The following RANBP6 variants were observed in gnomAD, a reference collection of about 807,000 sequenced individuals.
The protein encoded by RANBP6 is RAN binding protein 6.
A neutral mutation model predicts 35.3 loss-of-function variants in RANBP6; 10 were observed. That is an observed-to-expected ratio of 0.28 (90% CI 0.17 to 0.48). RANBP6 has a LOEUF of 0.48. RANBP6 is among the 20% of genes least tolerant of loss of function. The pLI, the probability that RANBP6 is intolerant of heterozygous loss-of-function variation, is 0.99. For missense variants in RANBP6, 1,392 were observed against 1,307.7 expected (o/e 1.06, Z -0.99); for synonymous variants, 514 against 464.2 (o/e 1.11, Z -1.38).
In RANBP6 at chr9:6,013,837, G is replaced by C; in HGVS notation, c.1771C>G (p.Leu591Val). 1 of 1,614,002 alleles carries C rather than the reference G, an allele frequency of 6.2e-7. No individual in the cohort carries two copies. The highest frequency in any genetic ancestry group is 8.5e-7 in the Non-Finnish European group (1 of 1,180,000). Residue 591 changes from leucine to valine, a missense_variant, in exon 1 of 1, where the codon CTG becomes GTG. Leu to Val is a conservative substitution (Grantham distance 32). Transcript: ENST00000259569. ...AAGTCTGATTGTGTCTTCAACAACA[G>C]CTGCATCACATTTGATGCATCTTGC... ...FMQDASNVMQ[L>V]LLKTQSDLNN...
In RANBP6 at chr9:6,013,617, C is replaced by T. The variant is rs200173457; in HGVS notation, c.1991G>A (p.Gly664Asp). The T allele has an allele frequency of 4.0e-4, 646 of 1,614,098 alleles. No individual in the cohort carries two copies. Among genetic ancestry groups the T allele is most frequent in the Non-Finnish European group, 5.3e-4 (620 of 1,180,048 alleles). ...QDVENMSDDD[G>D]WQFVNLGDQQ... Reference sequence around the variant, plus strand: ...GTCTCCAAGATTTACAAATTGCCAGCCATCATCGTCACTCATATTTTCCAC... The same window carrying T: ...GTCTCCAAGATTTACAAATTGCCAGTCATCATCGTCACTCATATTTTCCAC... The change falls in exon 1 of 1, where the codon GGC (glycine) becomes GAC (aspartate). Residue 664 changes from glycine to aspartate, a missense_variant. Physicochemically the swap from Gly to Asp is moderately conservative, Grantham distance 94 (BLOSUM62 -1). Transcript: ENST00000259569.
In RANBP6 at chr9:6,015,011, T is replaced by C. The variant is rs343500; in HGVS notation, c.597A>G (p.Thr199=). ...IQDQEHPAIR[T]LSARAAAAFV... ...ATGCAGCTGCAGCTCTAGCGGATAA[T>C]GTCCTGATTGCTGGATGTTCTTGAT... Residue 199 remains threonine (T), a synonymous_variant, in exon 1 of 1, where the codon ACA becomes ACG. Coordinates refer to ENST00000259569, the MANE Select transcript of RANBP6 (RefSeq NM_012416.4). The C allele has an allele frequency of 0.033, 53,055 of 1,614,112 alleles. 4,442 individuals carry two copies. Among genetic ancestry groups the C allele is most frequent in the African/African-American group, 0.29 (21,602 of 74,968 alleles).
rs1337427475 is a variant in RANBP6, at chr9:6,011,312, T to C, written c.*978A>G. 2 of 152,230 alleles carry C rather than the reference T, an allele frequency of 1.3e-5. No homozygotes were observed. The highest frequency in any genetic ancestry group is 2.4e-5 in the African/African-American group (1 of 41,454). The allele number at this position is 152,230 out of a possible 1,614,324, so 9.4% of individuals were successfully genotyped here. ...CTAAATGACTACTCTCAAAGTTGTT[T>C]TCTTTTTCATGTTCAAAGAAAATTA... On this transcript the variant is annotated 3_prime_UTR_variant, in exon 1 of 1. Transcript: ENST00000259569.
chr9:6,012,320 T>A lies in RANBP6; in HGVS notation c.3288A>T (p.Glu1096Asp). The A allele has an allele frequency of 6.3e-7, 1 of 1,585,214 alleles. No homozygotes were observed. The highest frequency in any genetic ancestry group is 1.4e-5 in the African/African-American group (1 of 73,352). ...CAAAATTTAGCAACTCCTGTAAGGC[T>A]TCCTGCTGTTCATCATCAAGTTGTG... Reference protein sequence around the residue: ...CVSQLDDEQQEALQELLNFA With the variant: ...CVSQLDDEQQDALQELLNFA Residue 1096 changes from glutamate to aspartate, a missense_variant, in exon 1 of 1, where the codon GAA (glutamate) becomes GAT (aspartate). Coordinates refer to ENST00000259569, the MANE Select transcript of RANBP6 (RefSeq NM_012416.4).
Position 6,013,744 on chromosome 9 carries a change from T to A in RANBP6, c.1864A>T (p.Ile622Phe). 2.5e-6 allele frequency: 4 copies of A among 1,613,940 alleles called. No individual in the cohort carries two copies. Among genetic ancestry groups the A allele is most frequent in the Non-Finnish European group, 3.4e-6 (4 of 1,180,022 alleles). The change falls in exon 1 of 1, where the codon ATT becomes TTT. Residue 622 changes from isoleucine (I) to phenylalanine (F), a missense_variant. Physicochemically the swap from Ile to Phe is conservative, Grantham distance 21 (BLOSUM62 0). Transcript: ENST00000259569. ...TACTGTTGAAAATCTTTTCCAAGAA[T>A]TTTACACATTCTAGCCCATGCTGAA... ...MVSAWARMCK[I>F]LGKDFQQYLP...
In RANBP6 at chr9:6,014,991, G is replaced by T. The variant is rs969925813; in HGVS notation, c.617C>A (p.Ala206Asp). The change falls in exon 1 of 1, where the codon GCT becomes GAT. Residue 206 changes from alanine (A) to aspartate (D), a missense_variant. By Grantham distance (126) the Ala-to-Asp change is moderately radical. Coordinates refer to ENST00000259569, the MANE Select transcript of RANBP6 (RefSeq NM_012416.4). ...AIRTLSARAA[A>D]AFVLANENNI... ...ATTCTCATTAGCAAGTACAAATGCA[G>T]CTGCAGCTCTAGCGGATAATGTCCT... The T allele has an allele frequency of 1.2e-6, 2 of 1,614,222 alleles. No homozygotes were observed. Among genetic ancestry groups the T allele is most frequent in the Non-Finnish European group, 1.7e-6 (2 of 1,180,042 alleles).
rs749521812 is a variant in RANBP6 at position 6,015,059 on chromosome 9, C to T, written c.549G>A (p.Arg183=). The T allele has an allele frequency of 7.7e-5, 124 of 1,614,076 alleles. No individual in the cohort carries two copies. The highest frequency in any genetic ancestry group is 3.3e-4 in the Middle Eastern group (2 of 6,084). The change falls in exon 1 of 1, where the codon CGG becomes CGA. Residue 183 remains arginine, a synonymous_variant. Coordinates refer to ENST00000259569, the MANE Select transcript of RANBP6 (RefSeq NM_012416.4). ...GATCTTGAATACACTGGTCCAACAA[C>T]CGTTTGATGATATCCAAATCATGCC... is the stretch of plus-strand genomic sequence containing the variant. ...QERHDLDIIK[R]LLDQCIQDQE...
rs753114875 is a variant in RANBP6 at position 6,014,595 on chromosome 9, T to C, written c.1013A>G (p.Asp338Gly). The change falls in exon 1 of 1, where the codon GAT (aspartate) becomes GGT (glycine). Residue 338 changes from aspartate (D) to glycine (G), a missense_variant. Coordinates refer to ENST00000259569, the MANE Select transcript of RANBP6 (RefSeq NM_012416.4). The part of the protein sequence containing the change: ...DWVNADEMEE[D>G]DFDSNAVAAE... ...AGCAACTGCATTGCTGTCAAAATCATCTTCTTCCATTTCATCAGCATTTAC... is the reference window on the plus strand; with the variant it reads ...AGCAACTGCATTGCTGTCAAAATCACCTTCTTCCATTTCATCAGCATTTAC... 7 of 1,614,060 alleles carry C rather than the reference T, an allele frequency of 4.3e-6. No individual in the cohort carries two copies. Among genetic ancestry groups the C allele is most frequent in the Non-Finnish European group, 5.9e-6 (7 of 1,180,036 alleles).
chr9:6,015,550 A>G lies in RANBP6; in HGVS notation c.58T>C (p.Tyr20His), dbSNP rs1451742989. 7.5e-6 allele frequency: 12 copies of G among 1,610,596 alleles called. No homozygotes were observed. The highest frequency in any genetic ancestry group is 1.0e-5 in the Non-Finnish European group (12 of 1,179,906). Residue 20 changes from tyrosine to histidine, a missense_variant, in exon 1 of 1, where the codon TAC becomes CAC. Coordinates refer to ENST00000259569, the MANE Select transcript of RANBP6 (RefSeq NM_012416.4). The stretch of plus-strand genomic sequence containing the variant: ...TTGATCAGGTTCTTCAGAAGCTGGT[A>G]AAACTCTTGCTTTTCTGACACGGTC... ...PATVSEKQEFYQLLKNLINPS... is the reference protein window; with the variant it reads ...PATVSEKQEFHQLLKNLINPS...
Position 6,014,900 on chromosome 9 carries a change from T to A in RANBP6, c.708A>T (p.Ser236=), listed in dbSNP as rs761085533. 1.2e-5 allele frequency: 19 copies of A among 1,614,144 alleles called. No homozygotes were observed. Among genetic ancestry groups the A allele is most frequent in the Non-Finnish European group, 1.6e-5 (19 of 1,180,008 alleles). Residue 236 remains serine (S), a synonymous_variant, in exon 1 of 1, where the codon TCA becomes TCT. Transcript: ENST00000259569. ...GCACTGAATCATCATCCTGGTAGCA[T>A]GAGTCATTCACAGCCTGTAAGATTC... The part of the protein sequence containing the change: ...LPGILQAVND[S]CYQDDDSVLE...
rs754997667 is a variant in RANBP6 at position 6,014,568 on chromosome 9, G to A, written c.1040C>T (p.Ala347Val). The change falls in exon 1 of 1, where the codon GCG becomes GTG. Residue 347 changes from alanine to valine, a missense_variant. Coordinates refer to ENST00000259569, the MANE Select transcript of RANBP6 (RefSeq NM_012416.4). ...EDDFDSNAVAAESALDRLACG... is the reference protein window; with the variant it reads ...EDDFDSNAVAVESALDRLACG... ...AGCCAGTCTGTCTAGTGCACTCTCC[G>A]CAGCAACTGCATTGCTGTCAAAATC... 9 of 1,614,094 alleles carry A rather than the reference G, an allele frequency of 5.6e-6. No individual in the cohort carries two copies. Among genetic ancestry groups the A allele is most frequent in the South Asian group, 1.1e-5 (1 of 91,084 alleles).
chr9:6,012,635 C>G lies in RANBP6; in HGVS notation c.2973G>C (p.Lys991Asn). ...ISAIGKILKF[K>N]PNCVNVDEVL... ...CTTCATCTACATTTACACAGTTAGG[C>G]TTAAACTTCAAAATCTTCCCTATTG... Residue 991 changes from lysine to asparagine, a missense_variant, in exon 1 of 1, where the codon AAG becomes AAC. Lys to Asn is a moderately conservative substitution (Grantham distance 94). Coordinates refer to ENST00000259569, the MANE Select transcript of RANBP6 (RefSeq NM_012416.4). The G allele has an allele frequency of 6.2e-7, 1 of 1,613,828 alleles. No individual in the cohort carries two copies. Among genetic ancestry groups the G allele is most frequent in the South Asian group, 1.1e-5 (1 of 90,992 alleles).
At position 6,015,343 on chromosome 9, in the gene RANBP6, G is replaced by A. The variant is rs773296036; in HGVS notation, c.265C>T (p.Leu89=). 5 of 1,614,102 alleles carry A rather than the reference G, an allele frequency of 3.1e-6. No individual in the cohort carries two copies. The highest frequency in any genetic ancestry group is 4.2e-6 in the Non-Finnish European group (5 of 1,180,056). Residue 89 remains leucine, a synonymous_variant, in exon 1 of 1, where the codon CTG becomes TTG. Coordinates refer to ENST00000259569, the MANE Select transcript of RANBP6 (RefSeq NM_012416.4). ...ACATCTCTCTGAACATCAGCAGGCA[G>A]ATTTGGATAAACCTCCTCAAACCCA... The part of the protein sequence containing the change: ...SSGFEEVYPN[L]PADVQRDVKI...
rs774697863 is a variant in RANBP6 at position 6,013,920 on chromosome 9, C to A, written c.1688G>T (p.Gly563Val). 6.2e-7 allele frequency: 1 copy of A among 1,613,990 alleles called. No homozygotes were observed. The change falls in exon 1 of 1, where the codon GGA (glycine) becomes GTA (valine). Residue 563 changes from glycine to valine, a missense_variant. By Grantham distance (109) the Gly-to-Val change is moderately radical. Transcript: ENST00000259569. ...AVQKELKLLR[G>V]KTIECISHIG... ...ATGGCTAATGCACTCGATAGTTTTT[C>A]CTCTCAGAAGCTTGAGTTCCTTCTG...
Position 6,013,210 on chromosome 9 carries a change from C to T in RANBP6, c.2398G>A (p.Glu800Lys), listed in dbSNP as rs769026601. ...DGCLNDEHLE[E>K]LGGILKAKLE... ...TTTGCTTTCAGTATTCCTCCCAGTT[C>T]TTCCAAGTGTTCATCATTAAGGCAA... The change falls in exon 1 of 1, where the codon GAA becomes AAA. Residue 800 changes from glutamate (E) to lysine (K), a missense_variant. Transcript: ENST00000259569. 1.2e-6 allele frequency: 2 copies of T among 1,613,974 alleles called. No homozygotes were observed. The highest frequency in any genetic ancestry group is 1.7e-6 in the Non-Finnish European group (2 of 1,179,998).
rs1343835081 is a variant in RANBP6 at position 6,013,651 on chromosome 9, T to G, written c.1957A>C (p.Thr653Pro). 6.2e-7 allele frequency: 1 copy of G among 1,614,136 alleles called. No homozygotes were observed. The highest frequency in any genetic ancestry group is 1.3e-5 in the African/African-American group (1 of 74,956). The change falls in exon 1 of 1, where the codon ACA (threonine) becomes CCA (proline). Residue 653 changes from threonine (T) to proline (P), a missense_variant. Coordinates refer to ENST00000259569, the MANE Select transcript of RANBP6 (RefSeq NM_012416.4). The stretch of plus-strand genomic sequence containing the variant: ...TCACTCATATTTTCCACATCCTGTG[T>G]GTCTAAGAGAGCAACATCAGGTTTA... ...SAKPDVALLD[T>P]QDVENMSDDD...
chr9:6,013,767 G>T lies in RANBP6; in HGVS notation c.1841C>A (p.Ser614Ter). 1 of 1,613,884 alleles carries T rather than the reference G, an allele frequency of 6.2e-7. No individual in the cohort carries two copies. Among genetic ancestry groups the T allele is most frequent in the Non-Finnish European group, 8.5e-7 (1 of 1,180,026 alleles). ...AATTTTACACATTCTAGCCCATGCT[G>T]AAACCATGTAAGAGGTCTGAGGGTC... ...DDDPQTSYMV[S>*]AWARMCKILG... is the part of the protein sequence containing the mutation. The change falls in exon 1 of 1, where the codon TCA (serine) becomes TAA (stop). Residue 614 changes from serine (S) to a stop codon, truncating the protein, a stop_gained. Coordinates refer to ENST00000259569, the MANE Select transcript of RANBP6 (RefSeq NM_012416.4). LOFTEE classifies it low-confidence loss of function (END_TRUNC).
chr9:6,015,335 A>G lies in RANBP6; in HGVS notation c.273T>C (p.Ala91=). Residue 91 remains alanine (A), a synonymous_variant, in exon 1 of 1, where the codon GCT becomes GCC. Coordinates refer to ENST00000259569, the MANE Select transcript of RANBP6 (RefSeq NM_012416.4). ...GFEEVYPNLP[A]DVQRDVKIEL... is the part of the protein sequence containing the mutation. Reference sequence around the variant, plus strand: ...CAATCTTGACATCTCTCTGAACATCAGCAGGCAGATTTGGATAAACCTCCT... The same window carrying G: ...CAATCTTGACATCTCTCTGAACATCGGCAGGCAGATTTGGATAAACCTCCT... 1.9e-6 allele frequency: 3 copies of G among 1,614,220 alleles called. No homozygotes were observed. Among genetic ancestry groups the G allele is most frequent in the Non-Finnish European group, 2.5e-6 (3 of 1,180,040 alleles).
Position 6,014,109 on chromosome 9 carries a change from A to T in RANBP6, c.1499T>A (p.Val500Asp), listed in dbSNP as rs779943569. 6.2e-7 allele frequency: 1 copy of T among 1,614,044 alleles called. No homozygotes were observed. The highest frequency in any genetic ancestry group is 2.2e-5 in the East Asian group (1 of 44,888). ...CAACTCTTGAAGTTTAATCACCAAG[A>T]CGGAATGTAGATTTTTCACCATACT... ...VDSMVKNLHS[V>D]LVIKLQELIR... The change falls in exon 1 of 1, where the codon GTC (valine) becomes GAC (aspartate). Residue 500 changes from valine to aspartate, a missense_variant. By Grantham distance (152) the Val-to-Asp change is radical (BLOSUM62 -3). Coordinates refer to ENST00000259569, the MANE Select transcript of RANBP6 (RefSeq NM_012416.4).
Sources: gnomAD v4.1 joint callset for allele counts on GRCh38, gnomAD v4.1.1 for gene constraint, MANE v1.5 for transcripts, NCBI Gene and HGNC (gene_info 2026-07-23, HGNC 2026-07-21) for gene names.